ADAM22: variants seen among roughly 807,000 people sequenced by gnomAD.
ADAM22 encodes disintegrin and metalloproteinase domain-containing protein 22.
In ADAM22, 65 loss-of-function variants were observed where a neutral mutation model predicts 144.6. That is an observed-to-expected ratio of 0.45 (90% CI 0.37 to 0.55). The LOEUF is 0.55. Among genes scored for constraint, ADAM22 ranks in the 20% least tolerant of loss-of-function variants. ADAM22 has a pLI of 0.00. For missense variants in ADAM22, 974 were observed against 1,184.9 expected, an observed-to-expected ratio of 0.82 and a Z score of 2.61; for synonymous variants, 391 against 412.6, an observed-to-expected ratio of 0.95 and a Z score of 0.63.
intron 9 of ADAM22, among the ~76,000 whole-genome samples, chr7:88,130,131 A>T (rs1831392737): frequency 6.6e-6 from 1 of 151,762 alleles, no homozygotes; most frequent in Admixed American, 6.6e-5. Flanking sequence ...TGGATTGGGT[A>T]TTTTTTACTT....
intron 2 of ADAM22, among the ~76,000 whole-genome samples, chr7:87,958,254 C>T (rs1847242769): frequency 1.3e-5 from 2 of 152,170 alleles, no homozygotes; most frequent in Admixed American, 1.3e-4. Flanking sequence ...GTCAATTTCC[C>T]TGTATATTGC....
intron 4 of ADAM22, among the ~76,000 whole-genome samples, chr7:88,106,426 C>A (rs893196172): frequency 1.3e-5 from 2 of 152,146 alleles, no homozygotes; most frequent in African/African-American, 4.8e-5. Flanking sequence ...CTTGGAATTT[C>A]GGTGAAGAAA....
intron 3 of ADAM22, among the ~76,000 whole-genome samples, chr7:88,049,184 C>T (rs1805506348): frequency 6.6e-6 from 1 of 152,192 alleles, no homozygotes; most frequent in Non-Finnish European, 1.5e-5. Context: ...TGCTAACTAG[C>T]AGATTTCAAG....
intron 3 of ADAM22, among the ~76,000 whole-genome samples, chr7:88,054,856 C>T (rs1391780974): frequency 6.6e-6 from 1 of 151,930 alleles, no homozygotes; most frequent in Non-Finnish European, 1.5e-5. Flanking sequence ...CCTTAGTGAT[C>T]ATTTTATATG....
intron 7 of ADAM22, among the ~76,000 whole-genome samples, chr7:88,123,615 G>C (rs1829794210): frequency 2.0e-5 from 3 of 151,606 alleles, no homozygotes; most frequent in African/African-American, 7.3e-5. Flanking sequence ...TTGTGTTTAA[G>C]TTTTGAGTCT....
At chr7:88,025,699 G>C (rs1361542616) in intron 3 of ADAM22, among the ~76,000 whole-genome samples, 2 of 152,104 alleles carry the variant, frequency 1.3e-5, no homozygotes, top group Non-Finnish European at 2.9e-5. Context: ...TTGTTTCTTG[G>C]TTCTCTATTT....
chr7:88,072,927 G>T (rs1020485422), intron 3 of ADAM22, among the ~76,000 whole-genome samples: 1 of 152,176 alleles, frequency 6.6e-6, no homozygotes, highest in East Asian at 1.9e-4. Context: ...CCTGAGGCAG[G>T]TCTTTCCATA....
In ADAM22 at chr7:88,153,208, T is replaced by C; in HGVS notation, c.1682-13T>C. 1 of 1,602,184 alleles carries C rather than the reference T, an allele frequency of 6.2e-7. No homozygotes were observed. The highest frequency in any genetic ancestry group is 2.2e-5 in the East Asian group (1 of 44,780). On this transcript the variant is annotated splice_polypyrimidine_tract_variant and intron_variant, in intron 20 of 31. Transcript: ENST00000413139. The stretch of plus-strand genomic sequence containing the variant: ...TACTTCCCTCACTGATAGAAAATTT[T>C]TTTCTGCCTTAGAGGTGACAGCATC...
intron 2 of ADAM22, 52 bp downstream of exon 2, chr7:87,935,238 G>T: frequency 6.7e-7 from 1 of 1,501,256 alleles, no homozygotes. Flanking sequence ...GCCCACCCGA[G>T]ACCCCACGAT....
At chr7:87,960,622 ATTTC>A (rs374068908) in intron 2 of ADAM22, among the ~76,000 whole-genome samples, 2 of 152,082 alleles carry the variant, frequency 1.3e-5, no homozygotes, top group African/African-American at 4.8e-5. Context: ...GAGATTCTTG[ATTTC>A]TCTTTTTATC....
At chr7:88,119,897 G>T (rs746830571) in intron 7 of ADAM22, among the ~76,000 whole-genome samples, 10 of 152,178 alleles carry the variant, frequency 6.6e-5, no homozygotes, top group Non-Finnish European at 1.3e-4. Flanking sequence ...TCTTTTCTGT[G>T]AGCACATATT....
intron 2 of ADAM22, among the ~76,000 whole-genome samples, chr7:87,944,831 GTT>G (rs1383358458): frequency 8.8e-6 from 1 of 114,104 alleles, no homozygotes; most frequent in East Asian, 2.5e-4. Context: ...TTTTTTTTTT[GTT>G]TTTTTTTTTT....
chr7:88,019,129 C>T (rs1028094627), intron 3 of ADAM22, among the ~76,000 whole-genome samples: 6 of 151,792 alleles, frequency 4.0e-5, no homozygotes, highest in African/African-American at 1.5e-4. Flanking sequence ...AATAAACTTG[C>T]AAGCAATTTA....
At chr7:87,997,540 GT>G (rs1054439265) in intron 3 of ADAM22, among the ~76,000 whole-genome samples, 5 of 152,234 alleles carry the variant, frequency 3.3e-5, no homozygotes, top group Non-Finnish European at 7.3e-5. Context: ...GCCTTTTTAG[GT>G]TGTTGGCACA....
chr7:88,034,420 C>T (rs1032201057), intron 3 of ADAM22, among the ~76,000 whole-genome samples: 22 of 152,114 alleles, frequency 1.4e-4, no homozygotes, highest in Non-Finnish European at 2.2e-4. Flanking sequence ...AGTTGCAAAA[C>T]GATGTCTTCA....
At chr7:88,062,757 C>G (rs1027737483) in intron 3 of ADAM22, among the ~76,000 whole-genome samples, 1 of 152,190 alleles carries the variant, frequency 6.6e-6, no homozygotes, top group Non-Finnish European at 1.5e-5. Flanking sequence ...AAGAGACATG[C>G]AACTCCTCCT....
rs922497813 is a variant in ADAM22 at position 88,201,850 on chromosome 7, T to A, written c.*5359T>A. 2 of 152,220 alleles carry A rather than the reference T, an allele frequency of 1.3e-5. No homozygotes were observed. The highest frequency in any genetic ancestry group is 2.9e-5 in the Non-Finnish European group (2 of 68,038). 9.4% of individuals were successfully genotyped at this position (152,220 alleles called of 1,614,324 possible). On this transcript the variant is annotated 3_prime_UTR_variant, in exon 32 of 32. Transcript: ENST00000413139. The stretch of plus-strand genomic sequence containing the variant: ...TCAAAGAGTTTATGAAGAAAAGGTA[T>A]TTTCCTTTCTTGTAAAAAATGTTAT...
intron 4 of ADAM22, among the ~76,000 whole-genome samples, chr7:88,094,242 G>A (rs1248037920): frequency 6.6e-6 from 1 of 152,174 alleles, no homozygotes; most frequent in Non-Finnish European, 1.5e-5. Flanking sequence ...TGCTCTGAGG[G>A]CACTTGCTGG....
rs184238270 is a variant in ADAM22 at position 88,052,220 on chromosome 7, G to A, written c.324-23406G>A. 2.8e-3 allele frequency among the ~76,000 whole-genome samples: 432 copies of A among 151,926 alleles called. 1 individual carries two copies. Among genetic ancestry groups the A allele is most frequent in the Middle Eastern group, 0.01 (3 of 294 alleles). ...GCACATAAAAAAAAAATTCCCGGCC[G>A]GACGCGGTGGCTCACGCCTGTAATC... is the stretch of plus-strand genomic sequence containing the variant. On this transcript the variant is annotated intron_variant, in intron 3 of 31. Transcript: ENST00000413139.
Sources: gnomAD v4.1 joint callset for allele counts (sites outside exome capture counted in the v4.1 genomes callset) on GRCh38, gnomAD v4.1.1 for gene constraint, MANE v1.5 for transcripts, NCBI Gene and HGNC (gene_info 2026-07-23, HGNC 2026-07-21) for gene names.